The following PRTFDC1 variants were observed in gnomAD, a reference collection of about 807,000 sequenced individuals.
PRTFDC1 encodes phosphoribosyltransferase domain-containing protein 1.
Under a neutral mutation model 34.6 loss-of-function variants are expected in PRTFDC1, and 38 were observed. That is an observed-to-expected ratio of 1.10 (90% CI 0.85 to 1.44). PRTFDC1 has a LOEUF of 1.44. Ranked by LOEUF, PRTFDC1 falls within the 40% of genes most tolerant of loss-of-function variation. The pLI is 0.00. For synonymous variants in PRTFDC1, 93 were observed against 98.1 expected (o/e 0.95, Z 0.31); for missense variants, 270 against 283.0 (o/e 0.95, Z 0.33).
chr10:24,893,617 T>C (rs1351840228), intron 3 of PRTFDC1, among the ~76,000 whole-genome samples: 1 of 152,218 alleles, frequency 6.6e-6, no homozygotes, highest in Non-Finnish European at 1.5e-5. Context: ...TTCATTTTCT[T>C]GTAACTAGAA....
chr10:24,924,210 C>A (rs1450476372), intron 3 of PRTFDC1, among the ~76,000 whole-genome samples: 2 of 152,150 alleles, frequency 1.3e-5, no homozygotes, highest in Non-Finnish European at 2.9e-5. Context: ...GAGAATGAAA[C>A]CAAGTTAGAA....
intron 3 of PRTFDC1, among the ~76,000 whole-genome samples, chr10:24,888,120 G>A (rs550999398): frequency 6.6e-6 from 1 of 152,264 alleles, no homozygotes; most frequent in East Asian, 1.9e-4. Context: ...TGGTCCTCAT[G>A]CCTTGGCCTC....
At chr10:24,850,422 A>G (rs1847464876) in intron 8 of PRTFDC1, among the ~76,000 whole-genome samples, 4 of 152,126 alleles carry the variant, frequency 2.6e-5, no homozygotes, top group Admixed American at 2.0e-4. Context: ...ATTTGAAGCC[A>G]GGAGTTCAAG....
At chr10:24,933,769 C>T (rs1849005804) in intron 3 of PRTFDC1, among the ~76,000 whole-genome samples, 1 of 150,744 alleles carries the variant, frequency 6.6e-6, no homozygotes, top group Admixed American at 6.6e-5. Context: ...TCTCAGCTCA[C>T]TGCAACCTCT....
intron 8 of PRTFDC1, among the ~76,000 whole-genome samples, chr10:24,850,623 T>C (rs1847468859): frequency 6.6e-6 from 1 of 151,744 alleles, no homozygotes; most frequent in South Asian, 2.1e-4. Flanking sequence ...GACTGTGGAG[T>C]GAGACCCTGT....
At chr10:24,894,835 A>G (rs778223921) in intron 3 of PRTFDC1, among the ~76,000 whole-genome samples, 2 of 152,196 alleles carry the variant, frequency 1.3e-5, no homozygotes, top group Non-Finnish European at 2.9e-5. Context: ...TGCCTTGGGC[A>G]AATGAACCCT....
intron 6 of PRTFDC1, 57 bp downstream of exon 6, chr10:24,856,856 C>A: frequency 1.4e-6 from 2 of 1,413,080 alleles, no homozygotes; most frequent in Non-Finnish European, 2.0e-6. Flanking sequence ...GTGTTAGCAT[C>A]CCTTTTGGGC....
In PRTFDC1 at chr10:24,849,874, A is replaced by G. The variant is rs1480369921; in HGVS notation, c.648T>C (p.Asn216=). ...CTCGATATTTTTCTTTACCGTGCTC[A>G]TTGATGACGCATATGTGCTGAAACA... ...FRDLNHICVI[N]EHGKEKYRV Residue 216 remains asparagine, a synonymous_variant, in exon 9 of 9, where the codon AAT becomes AAC. Transcript: ENST00000320152. 6.2e-7 allele frequency: 1 copy of G among 1,614,004 alleles called. No individual in the cohort carries two copies. The highest frequency in any genetic ancestry group is 8.5e-7 in the Non-Finnish European group (1 of 1,179,922).
At chr10:24,908,455 G>T (rs766666323) in intron 3 of PRTFDC1, 31 of 1,589,368 alleles carry the variant, frequency 2.0e-5, no homozygotes, top group Non-Finnish European at 2.6e-6. Context: ...AAGACAGTGA[G>T]CCCTAGAATG....
chr10:24,938,683 G>A (rs1403765723), intron 2 of PRTFDC1, among the ~76,000 whole-genome samples: 1 of 152,188 alleles, frequency 6.6e-6, no homozygotes, highest in Non-Finnish European at 1.5e-5. Context: ...GACAGTCATA[G>A]AACAGGGGCA....
At chr10:24,936,927 C>A (rs1849059073) in intron 3 of PRTFDC1, among the ~76,000 whole-genome samples, 1 of 152,120 alleles carries the variant, frequency 6.6e-6, no homozygotes, top group Non-Finnish European at 1.5e-5. Context: ...ACTTTATCAC[C>A]ATAAAAGAAA....
chr10:24,850,500 C>T (rs761022262), intron 8 of PRTFDC1, among the ~76,000 whole-genome samples: 30 of 152,208 alleles, frequency 2.0e-4, no homozygotes, highest in Non-Finnish European at 3.8e-4. Flanking sequence ...GGCATAGTGG[C>T]GTGTGCCTGT....
chr10:24,871,552 T>C (rs1278076576), intron 4 of PRTFDC1, among the ~76,000 whole-genome samples: 1 of 151,926 alleles, frequency 6.6e-6, no homozygotes, highest in Non-Finnish European at 1.5e-5. Flanking sequence ...AACGCACTCT[T>C]AAGAGTTCCT....
At chr10:24,876,845 C>G (rs889533687) in intron 3 of PRTFDC1, among the ~76,000 whole-genome samples, 2 of 149,508 alleles carry the variant, frequency 1.3e-5, no homozygotes, top group South Asian at 2.2e-4. Context: ...CCCCCGCCCC[C>G]CGACTCAGCC....
chr10:24,898,525 T>C (rs1176918658), intron 3 of PRTFDC1, among the ~76,000 whole-genome samples: 1 of 149,658 alleles, frequency 6.7e-6, no homozygotes, highest in Admixed American at 6.7e-5. Flanking sequence ...GCAGTTCAAG[T>C]GACAGTGGCA....
At chr10:24,884,335 G>A (rs1269051639) in intron 3 of PRTFDC1, among the ~76,000 whole-genome samples, 1 of 152,148 alleles carries the variant, frequency 6.6e-6, no homozygotes, top group Non-Finnish European at 1.5e-5. Flanking sequence ...TCTGTGCCAT[G>A]GAGCCATGGA....
intron 3 of PRTFDC1, among the ~76,000 whole-genome samples, chr10:24,919,247 A>G (rs1461640076): frequency 3.3e-5 from 5 of 152,332 alleles, no homozygotes; most frequent in Non-Finnish European, 4.4e-5. Context: ...ATAAGGCTAT[A>G]GTAACCAAAA....
At chr10:24,867,041 GGAGA>G (rs137880427) in intron 4 of PRTFDC1, among the ~76,000 whole-genome samples, 119 of 131,334 alleles carry the variant, frequency 9.1e-4, no homozygotes, top group African/African-American at 2.9e-3. Flanking sequence ...ATGGAGGGAG[GGAGA>G]GAGAGAGAGA....
At chr10:24,880,646 G>C (rs1464099479) in intron 3 of PRTFDC1, among the ~76,000 whole-genome samples, 1 of 152,190 alleles carries the variant, frequency 6.6e-6, no homozygotes, top group Non-Finnish European at 1.5e-5. Flanking sequence ...AAGGACTGCT[G>C]TCCCTCTGGT....
Sources: allele counts gnomAD v4.1 joint callset (sites outside exome capture counted in the v4.1 genomes callset), GRCh38; gene constraint gnomAD v4.1.1; transcripts MANE v1.5; gene names NCBI Gene and HGNC (gene_info 2026-07-23, HGNC 2026-07-21).